The following PSAT1 variants were observed in gnomAD, a reference collection of about 807,000 sequenced individuals.
The protein encoded by PSAT1 is phosphoserine aminotransferase 1.
A neutral mutation model predicts 40.3 loss-of-function variants in PSAT1; 41 were observed. The observed-to-expected ratio is 1.02, with a 90% CI of 0.79 to 1.32. The LOEUF (loss-of-function observed/expected upper bound fraction) is 1.32. PSAT1 is among the 40% of genes most tolerant of loss of function. PSAT1 has a pLI of 0.00. For missense variants in PSAT1, 406 were observed against 455.8 expected (o/e 0.89, Z 0.99); for synonymous variants, 147 against 170.5 (o/e 0.86, Z 1.07).
intron 4 of PSAT1, among the ~76,000 whole-genome samples, chr9:78,305,395 G>A (rs901421633): frequency 3.3e-5 from 5 of 152,176 alleles, no homozygotes; most frequent in African/African-American, 4.8e-5. Flanking sequence ...GATTACAGGC[G>A]TGAGCCACTG....
intron 6 of PSAT1, among the ~76,000 whole-genome samples, chr9:78,316,001 T>A (rs1828337952): frequency 6.6e-6 from 1 of 152,164 alleles, no homozygotes; most frequent in Non-Finnish European, 1.5e-5. Flanking sequence ...ACCTCCAGAC[T>A]CCCAGCTCAA....
intron 6 of PSAT1, among the ~76,000 whole-genome samples, chr9:78,316,105 G>A (rs899572829): frequency 6.6e-6 from 1 of 152,098 alleles, no homozygotes; most frequent in African/African-American, 2.4e-5. Flanking sequence ...TAAGGAGAGG[G>A]GTTTTCAGAC....
intron 1 of PSAT1, among the ~76,000 whole-genome samples, chr9:78,298,013 T>A (rs1049471961): frequency 1.3e-5 from 2 of 151,942 alleles, no homozygotes; most frequent in Non-Finnish European, 2.9e-5. Flanking sequence ...TCGAGTATTC[T>A]AACTCTGGTA....
intron 7 of PSAT1, among the ~76,000 whole-genome samples, chr9:78,325,617 C>T (rs1395415357): frequency 6.6e-6 from 1 of 152,274 alleles, no homozygotes; most frequent in Non-Finnish European, 1.5e-5. Flanking sequence ...CCTTATCTGG[C>T]TTCTCTGCCT....
Position 78,317,886 on chromosome 9 carries a change from C to G in PSAT1, c.869+82C>G. On this transcript the variant is annotated intron_variant, in intron 7 of 8. Transcript: ENST00000376588. ...ATACTGTGTACCTTTGAAAAGTGGA[C>G]ATATTCACCTTTCTCTGAGACATTA... 3 of 1,457,194 alleles carry G rather than the reference C, an allele frequency of 2.1e-6. No individual in the cohort carries two copies. The South Asian group carries it at 3.4e-5, about 17-fold the overall frequency. 90.3% of individuals were successfully genotyped at this position (1,457,194 alleles called of 1,614,324 possible). A position where few individuals can be genotyped will look rare whatever the true frequency, so the allele number is the denominator to read the frequency against.
At chr9:78,298,356 A>G (rs1185895075) in intron 1 of PSAT1, 3 of 985,172 alleles carry the variant, frequency 3.0e-6, no homozygotes, top group Non-Finnish European at 3.6e-6. Flanking sequence ...ATTGTTGAGC[A>G]GAGTAGAAAT....
chr9:78,326,955 A>ATATATATATTTTTTTT, intron 7 of PSAT1, among the ~76,000 whole-genome samples: 4 of 75,964 alleles, frequency 5.3e-5, no homozygotes, highest in African/African-American at 3.8e-4. Context: ...ATATATATAT[A>ATATATATATTTTTTTT]TTTTTTTTTT....
rs1179781327 is a variant in PSAT1 at position 78,329,063 on chromosome 9, T to C, written c.1090T>C (p.Phe364Leu). ...VQKLAAFMKK[F>L]LEMHQL is the part of the protein sequence containing the mutation. ...GAAGCTGGCCGCCTTCATGAAAAAA[T>C]TTTTGGAGATGCATCAGCTATGAAC... Residue 364 changes from phenylalanine to leucine, a missense_variant, in exon 9 of 9, where the codon TTT (phenylalanine) becomes CTT (leucine). Physicochemically the swap from Phe to Leu is conservative, Grantham distance 22. Coordinates refer to ENST00000376588, the MANE Select transcript of PSAT1 (RefSeq NM_058179.4). 2 of 1,611,594 alleles carry C rather than the reference T, an allele frequency of 1.2e-6. No homozygotes were observed. Among genetic ancestry groups the C allele is most frequent in the Non-Finnish European group, 1.7e-6 (2 of 1,179,230 alleles).
At chr9:78,306,799 G>A (rs13299357) in intron 5 of PSAT1, among the ~76,000 whole-genome samples, 1 of 152,208 alleles carries the variant, frequency 6.6e-6, no homozygotes, top group South Asian at 2.1e-4. Flanking sequence ...GTCTTCAAGA[G>A]CAGATGCAGA....
chr9:78,319,863 G>T (rs797013560), intron 7 of PSAT1, among the ~76,000 whole-genome samples: 6 of 152,244 alleles, frequency 3.9e-5, no homozygotes, highest in African/African-American at 1.2e-4. Flanking sequence ...CATGGTTTAT[G>T]CTGGGATTGG....
chr9:78,307,218 TGGCAGCCTCC>T (rs1828197309), intron 5 of PSAT1, among the ~76,000 whole-genome samples: 2 of 152,226 alleles, frequency 1.3e-5, no homozygotes, highest in Admixed American at 6.5e-5. Context: ...GTCCAGCCCC[TGGCAGCCTCC>T]ATTCTAGTTT....
chr9:78,302,425 G>A (rs905713381), intron 3 of PSAT1, among the ~76,000 whole-genome samples: 2 of 152,020 alleles, frequency 1.3e-5, no homozygotes, highest in Non-Finnish European at 2.9e-5. Context: ...TGGTTAGGGG[G>A]AATATTAAAA....
intron 1 of PSAT1, among the ~76,000 whole-genome samples, 195 bp from the exon 2 acceptor site, chr9:78,300,407 G>A (rs1828089842): frequency 6.6e-6 from 1 of 152,130 alleles, no homozygotes; most frequent in African/African-American, 2.4e-5. Flanking sequence ...CTAATTTCAT[G>A]CTTACCTTGT....
At chr9:78,314,101 G>A (rs1230894311) in intron 6 of PSAT1, among the ~76,000 whole-genome samples, 1 of 152,256 alleles carries the variant, frequency 6.6e-6, no homozygotes, top group East Asian at 1.9e-4. Context: ...CACACTGGTA[G>A]TGGGAAGAAT....
chr9:78,297,680 C>G (rs73651310), intron 1 of PSAT1, among the ~76,000 whole-genome samples: 3 of 152,180 alleles, frequency 2.0e-5, no homozygotes, highest in African/African-American at 7.2e-5. Flanking sequence ...GCGGCGAGCC[C>G]GGGCAGTGTG....
chr9:78,301,900 C>T, intron 2 of PSAT1, 54 bp from the exon 3 acceptor site: 4 of 1,369,768 alleles, frequency 2.9e-6, no homozygotes, highest in Non-Finnish European at 4.2e-6. Context: ...TATTTCTGTT[C>T]ATTTGGTTTT....
chr9:78,321,071 G>A (rs933162891), intron 7 of PSAT1, among the ~76,000 whole-genome samples: 2 of 152,166 alleles, frequency 1.3e-5, no homozygotes, highest in African/African-American at 4.8e-5. Flanking sequence ...TCTCCCAGAA[G>A]GCAGCCTGCC....
intron 5 of PSAT1, among the ~76,000 whole-genome samples, chr9:78,306,929 C>A (rs758987896): frequency 5.3e-4 from 81 of 152,240 alleles, no homozygotes; most frequent in Non-Finnish European, 1.1e-3. Context: ...GTGGGACTGG[C>A]GCTGTAGGTA....
At chr9:78,308,389 A>AG (rs1429732002) in intron 5 of PSAT1, 25 bp from the exon 6 acceptor site, 8 of 1,611,098 alleles carry the variant, frequency 5.0e-6, no homozygotes, top group Non-Finnish European at 6.8e-6. Flanking sequence ...ATCCTTCTTA[A>AG]GCAGCATGTC....
Sources: allele counts gnomAD v4.1 joint callset (sites outside exome capture counted in the v4.1 genomes callset), GRCh38; gene constraint gnomAD v4.1.1; transcripts MANE v1.5; gene names NCBI Gene and HGNC (gene_info 2026-07-23, HGNC 2026-07-21).